Variants in BUD23 observed in about 807,000 individuals in gnomAD.
BUD23 encodes the protein 18S rRNA (guanine-N(7))-methyltransferase.
In BUD23, 34 loss-of-function variants were observed where a neutral mutation model predicts 47.0. That is an observed-to-expected ratio of 0.72 (90% confidence interval 0.55 to 0.96). BUD23 has a LOEUF of 0.96. BUD23 is among the 40% of genes least tolerant of loss of function. The pLI is 0.00. For synonymous variants in BUD23, 124 were observed against 132.0 expected (o/e 0.94, Z 0.41); for missense variants, 343 against 361.2 (o/e 0.95, Z 0.41).
intron 2 of BUD23, chr7:73,684,055 A>G (rs1032374144): frequency 3.0e-6 from 4 of 1,336,326 alleles, no homozygotes; most frequent in African/African-American, 1.5e-5. Flanking sequence ...GAATGTGACA[A>G]TTTGTCCTAA....
intron 2 of BUD23, among the ~76,000 whole-genome samples, chr7:73,684,444 C>G (rs1215130662): frequency 2.6e-5 from 4 of 151,738 alleles, no homozygotes; most frequent in African/African-American, 9.7e-5. Context: ...GGACCACAGG[C>G]GCGCGCCACT....
intron 5 of BUD23, among the ~76,000 whole-genome samples, chr7:73,687,384 C>G (rs782586845): frequency 3.9e-5 from 6 of 152,196 alleles, no homozygotes; most frequent in African/African-American, 1.4e-4. Flanking sequence ...TCAAGCGATT[C>G]TCCTGCCTCA....
At chr7:73,684,311 C>G (rs1438026865) in intron 2 of BUD23, among the ~76,000 whole-genome samples, 7 of 151,946 alleles carry the variant, frequency 4.6e-5, no homozygotes, top group Non-Finnish European at 8.8e-5. Context: ...GAGGCTGAGG[C>G]GGGAGGATCG....
At chr7:73,693,029 T>A in intron 7 of BUD23, 1 of 552,520 alleles carries the variant, frequency 1.8e-6, no homozygotes, top group Non-Finnish European at 3.3e-6. Flanking sequence ...TCCTGACTAA[T>A]AACATGAATG....
At chr7:73,697,036 G>A in intron 10 of BUD23, 1 of 235,862 alleles carries the variant, frequency 4.2e-6, no homozygotes, top group Non-Finnish European at 8.4e-6. Context: ...CTTTGTGCTG[G>A]CTCATCAGGC....
rs538941837 is a variant in BUD23, at chr7:73,684,321, G to T, written c.86+517G>T. ...TTTGGGAGGCTGAGGCGGGAGGATC[G>T]CTTGAGCTCAGGGGTTCGAGACCAG... On this transcript the variant is annotated intron_variant, in intron 2 of 11. Transcript: ENST00000265758. Among the ~76,000 whole-genome samples the T allele has an allele frequency of 3.3e-5, 5 of 150,706 alleles. No individual in the cohort carries two copies. In the East Asian group the frequency reaches 1.0e-3, roughly 30 times the overall value.
chr7:73,685,346 A>G (rs1217504273), intron 2 of BUD23, among the ~76,000 whole-genome samples: 1 of 152,218 alleles, frequency 6.6e-6, no homozygotes, highest in Non-Finnish European at 1.5e-5. Flanking sequence ...TCTATTGCCC[A>G]GGCTGGAGTG....
intron 2 of BUD23, chr7:73,684,086 T>G: frequency 5.5e-6 from 6 of 1,095,536 alleles, no homozygotes; most frequent in Non-Finnish European, 6.3e-6. Flanking sequence ...AAAGAGGCGC[T>G]GGGCGGTGGG....
rs527827076 is a variant in BUD23, at chr7:73,684,162, C to A, written c.86+358C>A. 4.6e-5 allele frequency among the ~76,000 whole-genome samples: 7 copies of A among 152,064 alleles called. No homozygotes were observed. The East Asian group carries it at 1.4e-3, about 29-fold the overall frequency. On this transcript the variant is annotated intron_variant, in intron 2 of 11. Transcript: ENST00000265758. ...TGGCCGTAGGATGCTTATCGTGGCG[C>A]CTTGTTGCCAATAAATCTCCAAGAC...
chr7:73,687,365 C>G (rs1798016028), intron 5 of BUD23, among the ~76,000 whole-genome samples: 1 of 152,168 alleles, frequency 6.6e-6, no homozygotes, highest in Admixed American at 6.6e-5. Context: ...CAGCCTTCGC[C>G]TCCCAGGCTC....
At chr7:73,687,630 C>T (rs1368906787) in intron 5 of BUD23, among the ~76,000 whole-genome samples, 1 of 152,086 alleles carries the variant, frequency 6.6e-6, no homozygotes, top group African/African-American at 2.4e-5. Flanking sequence ...CTCAGGCGAT[C>T]CACACACCTG....
chr7:73,689,681 G>A (rs1563554539), intron 5 of BUD23, among the ~76,000 whole-genome samples: 1 of 152,076 alleles, frequency 6.6e-6, no homozygotes, highest in Non-Finnish European at 1.5e-5. Flanking sequence ...AGGGATGAAC[G>A]AGAGATTCCA....
intron 5 of BUD23, among the ~76,000 whole-genome samples, chr7:73,689,123 C>T (rs553944817): frequency 6.6e-6 from 1 of 152,290 alleles, no homozygotes; most frequent in South Asian, 2.1e-4. Flanking sequence ...GATCTCGGCT[C>T]ACTGCAACCT....
rs1019065406 is a variant in BUD23 at position 73,693,069 on chromosome 7, C to T, written c.511-260C>T. The T allele has an allele frequency of 5.3e-6, 3 of 571,154 alleles. No homozygotes were observed. The Admixed American group carries it at 9.1e-5, about 17-fold the overall frequency. 35.4% of individuals were successfully genotyped at this position (571,154 alleles called of 1,614,324 possible). ...TGGATTCCAATTGGTGGCCATCTCC[C>T]TAAACTTGAGTGGGGAGCTGGGTCC... On this transcript the variant is annotated intron_variant, in intron 7 of 11. Coordinates refer to ENST00000265758, the MANE Select transcript of BUD23 (RefSeq NM_017528.5).
chr7:73,684,725 C>G (rs1477487635), intron 2 of BUD23, among the ~76,000 whole-genome samples: 2 of 150,772 alleles, frequency 1.3e-5, no homozygotes, highest in Non-Finnish European at 3.0e-5. Context: ...GAGTTCGAGA[C>G]CAGCCTGGCC....
At position 73,694,023 on chromosome 7, in the gene BUD23, C is replaced by T. The variant is rs967256241; in HGVS notation, c.674C>T (p.Pro225Leu). Residue 225 changes from proline (P) to leucine (L), a missense_variant, in exon 10 of 12, where the codon CCC becomes CTC. Physicochemically the swap from Pro to Leu is moderately conservative, Grantham distance 98. Transcript: ENST00000265758. ...GLSENQDEVE[P>L]RESVFTNERF... ...AGTGAAAATCAGGATGAAGTTGAAC[C>T]CAGGGAGTCTGTGTTCACCAATGAG... The T allele has an allele frequency of 2.5e-6, 4 of 1,611,830 alleles. No individual in the cohort carries two copies. The African/African-American group carries it at 5.4e-5, about 22-fold the overall frequency.
chr7:73,690,980 T>C lies in BUD23; in HGVS notation c.427T>C (p.Tyr143His). ...KKSENPAKRL[Y>H]CFFASLFSVL... Reference sequence around the variant, plus strand: ...GTCTGAAAACCCTGCCAAGCGCCTGTACTGCTTTTTTGCTTCTCTTTTTTC... The same window carrying C: ...GTCTGAAAACCCTGCCAAGCGCCTGCACTGCTTTTTTGCTTCTCTTTTTTC... Residue 143 changes from tyrosine (Y) to histidine (H), a missense_variant, in exon 6 of 12, where the codon TAC becomes CAC. Transcript: ENST00000265758. The C allele has an allele frequency of 4.3e-6, 7 of 1,614,236 alleles. No homozygotes were observed. The highest frequency in any genetic ancestry group is 1.1e-5 in the South Asian group (1 of 91,086).
Position 73,688,744 on chromosome 7 carries a change from A to C in BUD23, c.362+1649A>C, listed in dbSNP as rs562998059. Reference sequence around the variant, plus strand: ...GGTGTGGGAGTGAAAGTGAGAAAATAGGGGAGGAAGTTACAAATCATTACT... The same window carrying C: ...GGTGTGGGAGTGAAAGTGAGAAAATCGGGGAGGAAGTTACAAATCATTACT... On this transcript the variant is annotated intron_variant, in intron 5 of 11. Coordinates refer to ENST00000265758, the MANE Select transcript of BUD23 (RefSeq NM_017528.5). 5.3e-5 allele frequency among the ~76,000 whole-genome samples: 8 copies of C among 152,316 alleles called. No individual in the cohort carries two copies. The South Asian group carries it at 1.7e-3, about 32-fold the overall frequency.
At chr7:73,694,284 A>C in intron 10 of BUD23, 1 of 482,848 alleles carries the variant, frequency 2.1e-6, no homozygotes, top group Non-Finnish European at 3.6e-6. Context: ...GAGCCCACAC[A>C]TGCCCCTTCC....
Sources: gnomAD v4.1 joint callset for allele counts (sites outside exome capture counted in the v4.1 genomes callset) on GRCh38, gnomAD v4.1.1 for gene constraint, MANE v1.5 for transcripts, NCBI Gene and HGNC (gene_info 2026-07-23, HGNC 2026-07-21) for gene names.